The following IFT57 variants were observed in gnomAD, a reference collection of about 807,000 sequenced individuals.
IFT57 encodes intraflagellar transport protein 57 homolog.
A neutral mutation model predicts 56.8 loss-of-function variants in IFT57; 59 were observed. The observed-to-expected ratio is 1.04, with a 90% confidence interval of 0.84 to 1.29. The LOEUF (loss-of-function observed/expected upper bound fraction) is 1.29. Ranked by LOEUF, IFT57 falls within the 50% of genes most tolerant of loss-of-function variation. IFT57 has a pLI of 0.00. For synonymous variants in IFT57, 209 were observed against 186.1 expected (o/e 1.12, Z -1.00); for missense variants, 470 against 522.1 (o/e 0.90, Z 0.97).
chr3:108,217,957 TAGCA>T (rs1160315713), intron 3 of IFT57, among the ~76,000 whole-genome samples: 1 of 151,828 alleles, frequency 6.6e-6, no homozygotes. Context: ...TCATGATTTC[TAGCA>T]AGAATGTCAG....
intron 4 of IFT57, among the ~76,000 whole-genome samples, chr3:108,213,504 C>T (rs1043090269): frequency 3.9e-5 from 6 of 152,122 alleles, no homozygotes; most frequent in African/African-American, 1.4e-4. Context: ...CATTTAAAAG[C>T]ATTAAAAAAT....
At chr3:108,184,002 C>G (rs1258886953) in intron 6 of IFT57, among the ~76,000 whole-genome samples, 1 of 152,046 alleles carries the variant, frequency 6.6e-6, no homozygotes, top group African/African-American at 2.4e-5. Context: ...TTATATGTTA[C>G]TATAAGGAAT....
At chr3:108,168,684 C>T (rs1336014943) in intron 6 of IFT57, among the ~76,000 whole-genome samples, 1 of 151,972 alleles carries the variant, frequency 6.6e-6, no homozygotes, top group Non-Finnish European at 1.5e-5. Context: ...GTGATGTTCC[C>T]TTCCCTGTGT....
intron 6 of IFT57, among the ~76,000 whole-genome samples, chr3:108,171,203 A>G (rs1250793786): frequency 1.3e-5 from 2 of 151,902 alleles, no homozygotes; most frequent in Admixed American, 1.3e-4. Context: ...AATATATTAA[A>G]GCTGCAAAGA....
rs567397343 is a variant in IFT57 at position 108,210,754 on chromosome 3, G to A, written c.585+3177C>T. Among the ~76,000 whole-genome samples, 5 of 152,070 alleles carry A rather than the reference G, an allele frequency of 3.3e-5. No individual in the cohort carries two copies. In the South Asian group the frequency reaches 1.0e-3, roughly 32 times the overall value. ...AAAGAGAGGAGTAGAAGTAAAAGAG[G>A]GCTCCTTAGAATAATATGATGACAA... On this transcript the variant is annotated intron_variant, in intron 4 of 10. Coordinates refer to ENST00000264538, the MANE Select transcript of IFT57 (RefSeq NM_018010.4).
intron 4 of IFT57, among the ~76,000 whole-genome samples, chr3:108,210,215 C>G (rs1012493991): frequency 2.0e-5 from 3 of 151,826 alleles, no homozygotes; most frequent in African/African-American, 7.3e-5. Flanking sequence ...TGTGTTATGA[C>G]CCCAACATAT....
chr3:108,178,807 T>A (rs62262374), intron 6 of IFT57, among the ~76,000 whole-genome samples: 14,623 of 151,888 alleles, frequency 0.096, 764 homozygotes, highest in Middle Eastern at 0.12. Flanking sequence ...ATAATTTTTA[T>A]CCACTTTCAA....
At chr3:108,167,988 A>G in intron 6 of IFT57, 124 bp from the exon 7 acceptor site, 2 of 525,754 alleles carry the variant, frequency 3.8e-6, no homozygotes, top group Non-Finnish European at 6.6e-6. Flanking sequence ...GGATAGCCCT[A>G]TTTATAGCTT....
chr3:108,211,093 C>A (rs2080340443), intron 4 of IFT57, among the ~76,000 whole-genome samples: 1 of 152,170 alleles, frequency 6.6e-6, no homozygotes, highest in Admixed American at 6.5e-5. Context: ...CCAGGCCCTG[C>A]ACAATAAGCT....
chr3:108,189,182 T>C (rs762376231), intron 6 of IFT57, among the ~76,000 whole-genome samples: 19 of 152,232 alleles, frequency 1.2e-4, no homozygotes, highest in Non-Finnish European at 2.2e-4. Flanking sequence ...ATGAGAGCTA[T>C]ACAAAGAATT....
At chr3:108,170,759 A>G (rs1363430047) in intron 6 of IFT57, among the ~76,000 whole-genome samples, 1 of 152,014 alleles carries the variant, frequency 6.6e-6, no homozygotes. Flanking sequence ...CTATGCTACA[A>G]GGCTACAGTA....
intron 1 of IFT57, 125 bp from the exon 2 acceptor site, chr3:108,219,697 C>T (rs992851452): frequency 1.1e-6 from 1 of 930,762 alleles, no homozygotes; most frequent in Non-Finnish European, 1.6e-6. Flanking sequence ...CATCAAAAGA[C>T]CTCGATAATT....
chr3:108,201,459 T>C (rs1031405636), intron 5 of IFT57, among the ~76,000 whole-genome samples: 2 of 151,992 alleles, frequency 1.3e-5, no homozygotes, highest in Admixed American at 6.6e-5. Context: ...CTGATGGGGG[T>C]GGTAAGGGTT....
rs1278576089 is a variant in IFT57, at chr3:108,170,680, C to A, written c.778-2816G>T. Reference sequence around the variant, plus strand: ...TTTCATGTGGAACCAAAAAAAAAAACCCCATACAGCCAAAAAAATCCTAAG... The same window carrying A: ...TTTCATGTGGAACCAAAAAAAAAAAACCCATACAGCCAAAAAAATCCTAAG... On this transcript the variant is annotated intron_variant, in intron 6 of 10. Coordinates refer to ENST00000264538, the MANE Select transcript of IFT57 (RefSeq NM_018010.4). Among the ~76,000 whole-genome samples the A allele has an allele frequency of 1.8e-4, 24 of 135,406 alleles. No individual in the cohort carries two copies. The South Asian group carries it at 4.5e-3, about 25-fold the overall frequency. The allele number at this position is 135,406 out of a possible 152,430, so 88.8% of individuals were successfully genotyped here.
chr3:108,188,543 A>G (rs901440885), intron 6 of IFT57, among the ~76,000 whole-genome samples: 2 of 152,218 alleles, frequency 1.3e-5, no homozygotes, highest in African/African-American at 4.8e-5. Context: ...TGATATCTAC[A>G]TATTCTAAAA....
At chr3:108,219,116 A>ATT (rs11422352) in intron 2 of IFT57, among the ~76,000 whole-genome samples, 315 of 150,980 alleles carry the variant, frequency 2.1e-3, no homozygotes, top group Non-Finnish European at 2.8e-3. Context: ...GCTTTGTAGG[A>ATT]TTTTTTTTTA....
In IFT57 at chr3:108,191,910, A is replaced by T. The variant is rs189662266; in HGVS notation, c.655-267T>A. Among the ~76,000 whole-genome samples the T allele has an allele frequency of 2.4e-3, 368 of 152,314 alleles. 3 individuals carry two copies. The highest frequency in any genetic ancestry group is 2.1e-3 in the South Asian group (10 of 4,822). On this transcript the variant is annotated intron_variant, in intron 5 of 10. Transcript: ENST00000264538. ...AAAATGTTTCTGAGACATCAGATTG[A>T]ACTCAATAGGAATACCATCAAATGG...
chr3:108,221,960 G>C (rs1560132776), intron 1 of IFT57, 151 bp downstream of exon 1: 3 of 1,432,680 alleles, frequency 2.1e-6, no homozygotes, highest in South Asian at 2.9e-5. Flanking sequence ...GACCTCCCGG[G>C]AGTTTGGGGT....
At chr3:108,197,453 A>G (rs535346648) in intron 5 of IFT57, among the ~76,000 whole-genome samples, 1 of 152,308 alleles carries the variant, frequency 6.6e-6, no homozygotes, top group Admixed American at 6.5e-5. Flanking sequence ...CCATAAAGTA[A>G]CCTTGGGCTC....
Sources: allele counts gnomAD v4.1 joint callset (sites outside exome capture counted in the v4.1 genomes callset), GRCh38; gene constraint gnomAD v4.1.1; transcripts MANE v1.5; gene names NCBI Gene and HGNC (gene_info 2026-07-23, HGNC 2026-07-21).